Variants in LATS2 observed in about 807,000 individuals in gnomAD.
LATS2 encodes large tumor suppressor kinase 2, also known as serine/threonine-protein kinase LATS2.
Under a neutral mutation model 76.0 loss-of-function variants are expected in LATS2, and 24 were observed. The observed-to-expected ratio is 0.32, with a 90% CI of 0.23 to 0.44. LATS2 has a LOEUF of 0.44. LATS2 is among the 20% of genes least tolerant of loss of function. The pLI, the probability that LATS2 is intolerant of heterozygous loss-of-function variation, is 1.00. For synonymous variants in LATS2, 692 were observed against 635.4 expected (o/e 1.09, Z -1.34); for missense variants, 1,286 against 1,481.2 (o/e 0.87, Z 2.16).
intron 2 of LATS2, among the ~76,000 whole-genome samples, chr13:21,022,302 G>T (rs931480115): frequency 6.6e-6 from 1 of 152,168 alleles, no homozygotes; most frequent in African/African-American, 2.4e-5. Flanking sequence ...GTGTGAGTGT[G>T]CATGTGTGTG....
At chr13:21,061,003 G>A (rs1304413479) in intron 1 of LATS2, among the ~76,000 whole-genome samples, 2 of 148,080 alleles carry the variant, frequency 1.4e-5, no homozygotes, top group Admixed American at 6.6e-5. Flanking sequence ...CTGCCCCGCC[G>A]GGATCCCGGC....
intron 2 of LATS2, among the ~76,000 whole-genome samples, chr13:21,030,271 T>G (rs1306380253): frequency 1.3e-5 from 2 of 151,850 alleles, no homozygotes; most frequent in Non-Finnish European, 2.9e-5. Flanking sequence ...TCTACTTAAA[T>G]GTTAATTTTG....
intron 2 of LATS2, among the ~76,000 whole-genome samples, chr13:21,042,385 A>C (rs1439873658): frequency 6.6e-6 from 1 of 152,238 alleles, no homozygotes; most frequent in Non-Finnish European, 1.5e-5. Flanking sequence ...TGCACTTTTA[A>C]AGTAAATTTT....
chr13:20,988,451 C>T lies in LATS2; in HGVS notation c.1329G>A (p.Pro443=), dbSNP rs774100473. ...GCCTCAGCACACGCACGCTCTTCACCGGGTGCAAGATGTGCGCGGCCGTGA... is the reference window on the plus strand; with the variant it reads ...GCCTCAGCACACGCACGCTCTTCACTGGGTGCAAGATGTGCGCGGCCGTGA... ...TAVTAAHILH[P]VKSVRVLRPE... The change falls in exon 4 of 8, where the codon CCG becomes CCA. Residue 443 remains proline (P), a synonymous_variant. Coordinates refer to ENST00000382592, the MANE Select transcript of LATS2 (RefSeq NM_014572.3). 3.4e-6 allele frequency: 5 copies of T among 1,479,666 alleles called. No homozygotes were observed. In the East Asian group the frequency reaches 1.1e-4, roughly 32 times the overall value. The allele number at this position is 1,479,666 out of a possible 1,614,324, so 91.7% of individuals were successfully genotyped here.
In LATS2 at chr13:20,988,540, G is replaced by T. The variant is rs959120275; in HGVS notation, c.1240C>A (p.Pro414Thr). ...SRTNSFNSHQPRPGPPGKAEP... is the reference protein window; with the variant it reads ...SRTNSFNSHQTRPGPPGKAEP... The stretch of plus-strand genomic sequence containing the variant: ...GCCTTGCCAGGCGGACCGGGCCGCG[G>T]CTGGTGGCTGTTGAAGGAGTTGGTC... Residue 414 changes from proline to threonine, a missense_variant, in exon 4 of 8, where the codon CCG (proline) becomes ACG (threonine). Physicochemically the swap from Pro to Thr is conservative, Grantham distance 38 (BLOSUM62 -1). This residue lies in a region of LATS2 where 710 missense variants were observed against 660.9 expected (regional missense o/e 1.07). Transcript: ENST00000382592. 6.3e-7 allele frequency: 1 copy of T among 1,577,630 alleles called. No individual in the cohort carries two copies. Among genetic ancestry groups the T allele is most frequent in the African/African-American group, 1.3e-5 (1 of 74,570 alleles).
At chr13:21,046,270 C>A in intron 1 of LATS2, 40 bp from the exon 2 acceptor site, 1 of 414,012 alleles carries the variant, frequency 2.4e-6, no homozygotes, top group South Asian at 4.3e-5. Flanking sequence ...GTTCATTTGT[C>A]ATTTTCACGC....
intron 2 of LATS2, among the ~76,000 whole-genome samples, chr13:21,028,624 G>A (rs1649429095): frequency 6.6e-6 from 1 of 152,154 alleles, no homozygotes; most frequent in Non-Finnish European, 1.5e-5. Flanking sequence ...AGGCTGGAGT[G>A]CAGTAGCGCG....
chr13:20,987,402 C>G (rs138261592), intron 4 of LATS2, among the ~76,000 whole-genome samples: 133 of 152,184 alleles, frequency 8.7e-4, no homozygotes, highest in African/African-American at 3.2e-3. Context: ...TCAGTGTCAA[C>G]TAAGGTATAT....
chr13:21,034,551 G>T (rs1383646527), intron 2 of LATS2, among the ~76,000 whole-genome samples: 1 of 152,216 alleles, frequency 6.6e-6, no homozygotes, highest in African/African-American at 2.4e-5. Context: ...CTTGCTAAGG[G>T]TGGCAGATAG....
At chr13:21,032,620 T>C (rs996406391) in intron 2 of LATS2, among the ~76,000 whole-genome samples, 91 of 152,260 alleles carry the variant, frequency 6.0e-4, no homozygotes, top group Middle Eastern at 3.4e-3. Context: ...TAGTGCATTT[T>C]ATGTGTGGTC....
At chr13:20,981,384 G>T in intron 6 of LATS2, 82 bp downstream of exon 6, 2 of 1,320,594 alleles carry the variant, frequency 1.5e-6, no homozygotes, top group Non-Finnish European at 2.1e-6. Context: ...TTAGGTCCTT[G>T]GAAAGCTAGA....
chr13:21,050,651 C>T (rs983244778), intron 1 of LATS2, among the ~76,000 whole-genome samples: 4 of 152,220 alleles, frequency 2.6e-5, no homozygotes, highest in African/African-American at 9.6e-5. Context: ...TGGGCTATTA[C>T]AAATGGCACC....
intron 2 of LATS2, among the ~76,000 whole-genome samples, chr13:21,035,595 A>T (rs1385321857): frequency 1.3e-5 from 2 of 152,220 alleles, no homozygotes; most frequent in Non-Finnish European, 2.9e-5. Flanking sequence ...CTCTACAACC[A>T]CATGACAGCA....
intron 2 of LATS2, among the ~76,000 whole-genome samples, chr13:21,014,660 C>G (rs1024984052): frequency 5.9e-5 from 9 of 152,218 alleles, no homozygotes; most frequent in African/African-American, 2.2e-4. Flanking sequence ...GTGGAAAAAT[C>G]TGTTTATGCA....
intron 5 of LATS2, among the ~76,000 whole-genome samples, chr13:20,982,331 G>C (rs928820507): frequency 6.6e-6 from 1 of 152,154 alleles, no homozygotes; most frequent in Non-Finnish European, 1.5e-5. Context: ...TTTTATTTGA[G>C]ACAGAGTTTC....
In LATS2 at chr13:20,989,032, C is replaced by A. The variant is rs754631706; in HGVS notation, c.748G>T (p.Gly250Cys). The A allele has an allele frequency of 1.3e-4, 211 of 1,563,756 alleles. No individual in the cohort carries two copies. Among genetic ancestry groups the A allele is most frequent in the Middle Eastern group, 5.2e-4 (3 of 5,736 alleles). Residue 250 changes from glycine (G) to cysteine (C), a missense_variant, in exon 4 of 8, where the codon GGC becomes TGC. Transcript: ENST00000382592. Reference sequence around the variant, plus strand: ...AGGTGCGGCCGCCCGTAGTGCGCGCCCTGCAGCGGGAAGTGTGCCCCTGCT... The same window carrying A: ...AGGTGCGGCCGCCCGTAGTGCGCGCACTGCAGCGGGAAGTGTGCCCCTGCT... ...EAAGAHFPLQ[G>C]AHYGRPHLLV...
chr13:20,991,263 T>G lies in LATS2; in HGVS notation c.475+9A>C. 1 of 1,614,130 alleles carries G rather than the reference T, an allele frequency of 6.2e-7. No homozygotes were observed. The highest frequency in any genetic ancestry group is 1.1e-5 in the South Asian group (1 of 91,082). On this transcript the variant is annotated intron_variant, in intron 3 of 7. Transcript: ENST00000382592. The surrounding 1 kb of genome is among the most constrained non-coding windows in gnomAD (Gnocchi z 4.9). Reference sequence around the variant, plus strand: ...ATCTTTGCCCACTATGCTGCAGGCCTGGGCTCACCTGGGGAGGTCTGCTTA... The same window carrying G: ...ATCTTTGCCCACTATGCTGCAGGCCGGGGCTCACCTGGGGAGGTCTGCTTA...
chr13:20,981,790 C>G (rs1388544437), intron 5 of LATS2, 142 bp from the exon 6 acceptor site: 3 of 708,314 alleles, frequency 4.2e-6, no homozygotes, highest in Non-Finnish European at 6.8e-6. Flanking sequence ...AGAGAATCCC[C>G]GCTGAGCTGC....
intron 2 of LATS2, among the ~76,000 whole-genome samples, chr13:21,044,689 G>GGTGTGTGTGTGTGTGT (rs71090554): frequency 1.0e-4 from 14 of 137,686 alleles, no homozygotes; most frequent in African/African-American, 3.9e-4. Flanking sequence ...GAGGTGTAGG[G>GGTGTGTGTGTGTGTGT]GTGTGTGTGT....
Sources: gnomAD v4.1 joint callset for allele counts (sites outside exome capture counted in the v4.1 genomes callset) on GRCh38, gnomAD v4.1.1 for gene constraint, gnomAD v4.1.1 regional missense constraint, Gnocchi (gnomAD v3.1) non-coding constraint, MANE v1.5 for transcripts, NCBI Gene and HGNC (gene_info 2026-07-23, HGNC 2026-07-21) for gene names.